Variants in DUSP29 observed in about 807,000 individuals in gnomAD.
The protein encoded by DUSP29 is dual specificity phosphatase 29.
Under a neutral mutation model 13.5 loss-of-function variants are expected in DUSP29, and 12 were observed. The observed-to-expected ratio is 0.89, with a 90% confidence interval of 0.57 to 1.44. DUSP29 has a LOEUF of 1.44. Ranked by LOEUF, DUSP29 falls within the 40% of genes most tolerant of loss-of-function variation. The pLI, the probability that DUSP29 is intolerant of heterozygous loss-of-function variation, is 0.00. For synonymous variants in DUSP29, 134 were observed against 128.7 expected (o/e 1.04, Z -0.28); for missense variants, 308 against 301.1 (o/e 1.02, Z -0.17).
At chr10:75,072,388 G>A (rs1007531838) in intron 1 of DUSP29, among the ~76,000 whole-genome samples, 2 of 151,978 alleles carry the variant, frequency 1.3e-5, no homozygotes, top group African/African-American at 2.4e-5. Flanking sequence ...CTGAACAAGC[G>A]AGCCACACCC....
intron 1 of DUSP29, among the ~76,000 whole-genome samples, chr10:75,062,683 T>C (rs1443226255): frequency 6.6e-6 from 1 of 152,148 alleles, no homozygotes; most frequent in Non-Finnish European, 1.5e-5. Flanking sequence ...TCTGCATGGC[T>C]CCCAACTCTC....
Position 75,058,320 on chromosome 10 carries a change from G to C in DUSP29, c.195C>G (p.Gly65=). The change falls in exon 2 of 4, where the codon GGC becomes GGG. Residue 65 remains glycine, a synonymous_variant. Coordinates refer to ENST00000338487, the MANE Select transcript of DUSP29 (RefSeq NM_001003892.3). ...GCCTGGGCCTGGGCACTTACTCATC[G>C]CCAATGTAGAGCTTGGGCCAGACCT... ...VNEVWPKLYI[G]DEATALDRYR... The C allele has an allele frequency of 6.2e-7, 1 of 1,612,166 alleles. No individual in the cohort carries two copies.
intron 1 of DUSP29, among the ~76,000 whole-genome samples, chr10:75,061,519 T>C (rs1195921768): frequency 6.6e-6 from 1 of 152,118 alleles, no homozygotes; most frequent in African/African-American, 2.4e-5. Context: ...TGCACCCTCG[T>C]AGGGGCGCAG....
chr10:75,042,348 A>C (rs1055802994), intron 3 of DUSP29, among the ~76,000 whole-genome samples: 2 of 152,258 alleles, frequency 1.3e-5, no homozygotes, highest in African/African-American at 4.8e-5. Flanking sequence ...AGTGCATTAA[A>C]CAGAAACTGA....
chr10:75,056,494 G>A (rs1157967518), intron 2 of DUSP29, among the ~76,000 whole-genome samples: 3 of 149,272 alleles, frequency 2.0e-5, no homozygotes, highest in African/African-American at 7.4e-5. Flanking sequence ...CGCCATTGAG[G>A]GACATCTCAA....
chr10:75,048,398 C>CT (rs549203411), intron 2 of DUSP29, among the ~76,000 whole-genome samples: 11,066 of 126,196 alleles, frequency 0.088, 574 homozygotes, highest in South Asian at 0.28. Context: ...CTTTTTTTTT[C>CT]TTTTTTTTTT....
At chr10:75,056,754 G>T (rs1846968723) in intron 2 of DUSP29, among the ~76,000 whole-genome samples, 1 of 152,142 alleles carries the variant, frequency 6.6e-6, no homozygotes, top group Non-Finnish European at 1.5e-5. Flanking sequence ...AAGTATGCAA[G>T]TAAATTTAAC....
At chr10:75,066,642 A>G (rs1645093443) in intron 1 of DUSP29, among the ~76,000 whole-genome samples, 1 of 152,232 alleles carries the variant, frequency 6.6e-6, no homozygotes, top group African/African-American at 2.4e-5. Flanking sequence ...AAATTCCATG[A>G]AAGTTCTATT....
intron 2 of DUSP29, among the ~76,000 whole-genome samples, chr10:75,056,343 C>G (rs1846957774): frequency 6.6e-6 from 1 of 152,010 alleles, no homozygotes; most frequent in African/African-American, 2.4e-5. Flanking sequence ...GCCTGGCCAA[C>G]ACAGTGAAAT....
chr10:75,044,687 T>C (rs577959379), intron 2 of DUSP29, among the ~76,000 whole-genome samples: 162 of 152,344 alleles, frequency 1.1e-3, no homozygotes, highest in Non-Finnish European at 1.7e-3. Flanking sequence ...TACAGCTTTA[T>C]CTTTCTAGGC....
chr10:75,065,777 A>G (rs1198563252), intron 1 of DUSP29, among the ~76,000 whole-genome samples: 1 of 151,996 alleles, frequency 6.6e-6, no homozygotes, highest in Admixed American at 6.6e-5. Flanking sequence ...TGCAGCCTCA[A>G]TCTCCCAGGT....
chr10:75,060,326 T>G (rs1177186584), intron 1 of DUSP29, among the ~76,000 whole-genome samples: 1 of 151,678 alleles, frequency 6.6e-6, no homozygotes, highest in Non-Finnish European at 1.5e-5. Context: ...AAAAATTAGC[T>G]GGGTGTGGTG....
chr10:75,053,620 T>C (rs1246790082), intron 2 of DUSP29, among the ~76,000 whole-genome samples: 1 of 152,032 alleles, frequency 6.6e-6, no homozygotes, highest in African/African-American at 2.4e-5. Flanking sequence ...TTCTGTTCCC[T>C]GTTACATTTC....
intron 1 of DUSP29, among the ~76,000 whole-genome samples, chr10:75,073,283 A>G (rs947969580): frequency 1.3e-5 from 2 of 152,114 alleles, no homozygotes; most frequent in African/African-American, 4.8e-5. Context: ...ATGATACAAT[A>G]CATCCAATGC....
At chr10:75,050,367 T>C (rs1419257772) in intron 2 of DUSP29, among the ~76,000 whole-genome samples, 1 of 152,264 alleles carries the variant, frequency 6.6e-6, no homozygotes, top group Non-Finnish European at 1.5e-5. Flanking sequence ...TATTCTTATC[T>C]CATCATTGAC....
chr10:75,070,363 C>T (rs1404928468), intron 1 of DUSP29, among the ~76,000 whole-genome samples: 1 of 152,176 alleles, frequency 6.6e-6, no homozygotes, highest in East Asian at 1.9e-4. Context: ...ATTCTGTATG[C>T]TTCCCTCCCT....
At chr10:75,056,971 G>C (rs1846974151) in intron 2 of DUSP29, among the ~76,000 whole-genome samples, 1 of 152,144 alleles carries the variant, frequency 6.6e-6, no homozygotes, top group Non-Finnish European at 1.5e-5. Flanking sequence ...TAAGCAGCAA[G>C]ATATGTATTA....
In DUSP29 at chr10:75,056,965, C is replaced by T. The variant is rs1375009032; in HGVS notation, c.200+1350G>A. Among the ~76,000 whole-genome samples, 3 of 152,154 alleles carry T rather than the reference C, an allele frequency of 2.0e-5. No homozygotes were observed. The East Asian group carries it at 5.8e-4, about 29-fold the overall frequency. On this transcript the variant is annotated intron_variant, in intron 2 of 3. Coordinates refer to ENST00000338487, the MANE Select transcript of DUSP29 (RefSeq NM_001003892.3). The stretch of plus-strand genomic sequence containing the variant: ...TAGACGATTATCTCCAGGTATTAAG[C>T]AGCAAGATATGTATTAAAATCACAT...
Position 75,066,817 on chromosome 10 carries a change from G to C in DUSP29, c.-35+6752C>G, listed in dbSNP as rs541476830. ...CCGAAGGCAGCTCTGTGTCCTCCCC[G>C]AGGCTGCCCATGGCAGCAGTCAGGC... is the stretch of plus-strand genomic sequence containing the variant. On this transcript the variant is annotated intron_variant, in intron 1 of 3. Transcript: ENST00000338487. 2.3e-4 allele frequency among the ~76,000 whole-genome samples: 35 copies of C among 152,196 alleles called. 1 individual carries two copies. The South Asian group carries it at 7.1e-3, about 31-fold the overall frequency.
Sources: gnomAD v4.1 joint callset for allele counts (sites outside exome capture counted in the v4.1 genomes callset) on GRCh38, gnomAD v4.1.1 for gene constraint, MANE v1.5 for transcripts, NCBI Gene and HGNC (gene_info 2026-07-23, HGNC 2026-07-21) for gene names.